The following ADGRG7 variants were observed in gnomAD, a reference collection of about 807,000 sequenced individuals.
ADGRG7 encodes G-protein coupled receptor 128.
A neutral mutation model predicts 88.6 loss-of-function variants in ADGRG7; 82 were observed. That is an observed-to-expected ratio of 0.93 (90% CI 0.77 to 1.11). The LOEUF is 1.11. Ranked by LOEUF, ADGRG7 falls within the 50% of genes most tolerant of loss-of-function variation. The pLI, the probability that ADGRG7 is intolerant of heterozygous loss-of-function variation, is 0.00. For synonymous variants in ADGRG7, 381 were observed against 345.2 expected (o/e 1.10, Z -1.15); for missense variants, 945 against 953.4 (o/e 0.99, Z 0.12).
rs1460028417 is a variant in ADGRG7, at chr3:100,665,544, C to T, written c.1980-3405C>T. 3 of 413,770 alleles carry T rather than the reference C, an allele frequency of 7.3e-6. No individual in the cohort carries two copies. In the East Asian group the frequency reaches 2.0e-4, roughly 28 times the overall value. The allele number at this position is 413,770 out of a possible 1,614,324, so 25.6% of individuals were successfully genotyped here. On this transcript the variant is annotated intron_variant, in intron 14 of 15. Transcript: ENST00000273352. The stretch of plus-strand genomic sequence containing the variant: ...CTTTTTCTAGTGGGACTATATCTTA[C>T]ATATGTACTTTACAGATCAAGGTTA...
Position 100,655,172 on chromosome 3 carries a change from A to G in ADGRG7, c.1717A>G (p.Ile573Val). Residue 573 changes from isoleucine to valine, a missense_variant, in exon 12 of 16, where the codon ATT becomes GTT. By Grantham distance (29) the Ile-to-Val change is conservative. Transcript: ENST00000273352. ...GCATTTCATTCTTTTCATCTCATTA[A>G]TTGGATGGGGTAAGTGTTTGCATCT... ...PRHFILFISL[I>V]GWGVPAIVVA... 1 of 1,605,362 alleles carries G rather than the reference A, an allele frequency of 6.2e-7. No homozygotes were observed. The highest frequency in any genetic ancestry group is 8.5e-7 in the Non-Finnish European group (1 of 1,173,488).
At chr3:100,657,625 A>G (rs1024988267) in intron 13 of ADGRG7, among the ~76,000 whole-genome samples, 7 of 152,204 alleles carry the variant, frequency 4.6e-5, no homozygotes, top group African/African-American at 9.7e-5. Flanking sequence ...TTCTTTCCCT[A>G]TGTTCCATGG....
At chr3:100,610,044 C>A in intron 1 of ADGRG7, 73 bp downstream of exon 1, 1 of 1,228,532 alleles carries the variant, frequency 8.1e-7, no homozygotes. Flanking sequence ...ACCTGGTGCA[C>A]AAGTACTGGG....
At chr3:100,638,700 G>A (rs1707588677) in intron 6 of ADGRG7, among the ~76,000 whole-genome samples, 1 of 151,758 alleles carries the variant, frequency 6.6e-6, no homozygotes, top group African/African-American at 2.4e-5. Context: ...CTCCCTTTCT[G>A]ACCAACACTA....
chr3:100,679,505 A>G (rs1415587391), intron 15 of ADGRG7, among the ~76,000 whole-genome samples: 1 of 152,120 alleles, frequency 6.6e-6, no homozygotes, highest in Admixed American at 6.5e-5. Flanking sequence ...TAGCTGTTAA[A>G]TTTGTGTTCC....
chr3:100,669,159 T>A, intron 15 of ADGRG7, 54 bp downstream of exon 15: 5 of 1,308,112 alleles, frequency 3.8e-6, no homozygotes, highest in Non-Finnish European at 4.1e-6. Flanking sequence ...GGAGATATCA[T>A]CTTGATATCT....
At chr3:100,667,884 G>A (rs553550879) in intron 14 of ADGRG7, among the ~76,000 whole-genome samples, 5 of 152,216 alleles carry the variant, frequency 3.3e-5, no homozygotes, top group East Asian at 3.9e-4. Flanking sequence ...CCAATTGGCC[G>A]CCCAGTTTTG....
intron 1 of ADGRG7, among the ~76,000 whole-genome samples, chr3:100,614,624 G>A (rs1287883333): frequency 6.6e-6 from 1 of 152,134 alleles, no homozygotes; most frequent in Non-Finnish European, 1.5e-5. Context: ...AATGAGAGAT[G>A]CCTGGATTTT....
At chr3:100,683,345 C>G (rs1336244920) in intron 15 of ADGRG7, among the ~76,000 whole-genome samples, 1 of 152,182 alleles carries the variant, frequency 6.6e-6, no homozygotes, top group Non-Finnish European at 1.5e-5. Flanking sequence ...TCGGGGAGCC[C>G]AGACCTAGGA....
intron 1 of ADGRG7, among the ~76,000 whole-genome samples, chr3:100,617,878 T>C (rs1318666015): frequency 1.3e-5 from 2 of 152,166 alleles, no homozygotes; most frequent in Non-Finnish European, 2.9e-5. Context: ...CAGCACCTGT[T>C]GTTTCCTGAC....
At chr3:100,666,677 C>T (rs1287966238) in intron 14 of ADGRG7, among the ~76,000 whole-genome samples, 6 of 152,168 alleles carry the variant, frequency 3.9e-5, no homozygotes, top group African/African-American at 1.4e-4. Flanking sequence ...TCCTCCTCAG[C>T]ACAGACCCTT....
intron 15 of ADGRG7, among the ~76,000 whole-genome samples, chr3:100,683,197 AG>A (rs1315653029): frequency 1.3e-5 from 2 of 152,192 alleles, no homozygotes; most frequent in Non-Finnish European, 2.9e-5. Context: ...TTCTGGATGC[AG>A]GACAAGAACT....
intron 15 of ADGRG7, among the ~76,000 whole-genome samples, chr3:100,677,171 C>T (rs2149038338): frequency 6.6e-6 from 1 of 152,002 alleles, no homozygotes; most frequent in Admixed American, 6.5e-5. Flanking sequence ...TTCTGTCTTC[C>T]TTTTAGTGAA....
rs779730760 is a variant in ADGRG7 at position 100,643,387 on chromosome 3, C to T, written c.820C>T (p.Arg274Cys). ...AAATGCGGTGGGGCCTTCAAATGTTCGCTTCTCTGTGCAGAAAGGTGAGCT... is the reference window on the plus strand; with the variant it reads ...AAATGCGGTGGGGCCTTCAAATGTTTGCTTCTCTGTGCAGAAAGGTGAGCT... ...SENAVGPSNVRFSVQKGASSS... is the reference protein window; with the variant it reads ...SENAVGPSNVCFSVQKGASSS... Residue 274 changes from arginine to cysteine, a missense_variant, in exon 7 of 16, where the codon CGC becomes TGC. Physicochemically the swap from Arg to Cys is radical, Grantham distance 180. Transcript: ENST00000273352. 14 of 1,613,940 alleles carry T rather than the reference C, an allele frequency of 8.7e-6. No homozygotes were observed. The highest frequency in any genetic ancestry group is 4.5e-5 in the East Asian group (2 of 44,868).
chr3:100,669,168 C>G (rs2149034882), intron 15 of ADGRG7, 63 bp downstream of exon 15: 1 of 1,300,074 alleles, frequency 7.7e-7, no homozygotes, highest in Non-Finnish European at 1.0e-6. Context: ...ATCTTGATAT[C>G]TTAGTTACCT....
At chr3:100,653,270 G>A (rs948669737) in intron 11 of ADGRG7, among the ~76,000 whole-genome samples, 4 of 152,128 alleles carry the variant, frequency 2.6e-5, no homozygotes, top group South Asian at 2.1e-4. Context: ...CTTCATGTAA[G>A]CTTCATTCTT....
chr3:100,674,667 T>C (rs574413016), intron 15 of ADGRG7, among the ~76,000 whole-genome samples: 5 of 150,288 alleles, frequency 3.3e-5, no homozygotes, highest in Admixed American at 1.3e-4. Flanking sequence ...AACCTCCACC[T>C]CCCAGGTTCA....
chr3:100,614,567 A>T (rs1707198717), intron 1 of ADGRG7, among the ~76,000 whole-genome samples: 1 of 152,158 alleles, frequency 6.6e-6, no homozygotes, highest in Middle Eastern at 3.2e-3. Context: ...TTGTCCTCTC[A>T]TTTAAGAGTT....
rs1576331316 is a variant in ADGRG7 at position 100,665,032 on chromosome 3, G to C, written c.1980-3917G>C. 4 of 466,752 alleles carry C rather than the reference G, an allele frequency of 8.6e-6. No homozygotes were observed. In the East Asian group the frequency reaches 2.5e-4, roughly 29 times the overall value. The allele number at this position is 466,752 out of a possible 1,614,324, so 28.9% of individuals were successfully genotyped here. On this transcript the variant is annotated intron_variant, in intron 14 of 15. Transcript: ENST00000273352. ...GGTAGGGCAATACATAAATACTTTA[G>C]AAACACAGAAGTTCACATTAGTGGA... is the stretch of plus-strand genomic sequence containing the variant.
Sources: allele counts gnomAD v4.1 joint callset (sites outside exome capture counted in the v4.1 genomes callset), GRCh38; gene constraint gnomAD v4.1.1; transcripts MANE v1.5; gene names NCBI Gene and HGNC (gene_info 2026-07-23, HGNC 2026-07-21).